Variants in GRK4 observed in about 807,000 individuals in gnomAD.
GRK4 encodes G protein-coupled receptor kinase 4.
Under a neutral mutation model 77.9 loss-of-function variants are expected in GRK4, and 73 were observed. That is an observed-to-expected ratio of 0.94 (90% CI 0.78 to 1.14). The LOEUF (loss-of-function observed/expected upper bound fraction) is 1.14. Ranked by LOEUF, GRK4 falls within the 50% of genes most tolerant of loss-of-function variation. GRK4 has a pLI of 0.00. For synonymous variants in GRK4, 257 were observed against 254.4 expected (o/e 1.01, Z -0.10); for missense variants, 729 against 700.2 (o/e 1.04, Z -0.46).
intron 4 of GRK4, among the ~76,000 whole-genome samples, chr4:3,001,115 GTATATA>G (rs1729511277): frequency 1.5e-5 from 2 of 133,550 alleles, no homozygotes; most frequent in Non-Finnish European, 3.2e-5. Context: ...GTATATATAT[GTATATA>G]TGTGTATGTG....
chr4:2,975,387 C>T (rs1485996975), intron 1 of GRK4, among the ~76,000 whole-genome samples: 2 of 152,154 alleles, frequency 1.3e-5, no homozygotes, highest in East Asian at 3.9e-4. Flanking sequence ...ACATAAAGAA[C>T]CAAATGATCT....
At chr4:3,037,300 T>C in intron 13 of GRK4, 74 bp from the exon 14 acceptor site, 1 of 1,435,666 alleles carries the variant, frequency 7.0e-7, no homozygotes, top group Admixed American at 2.0e-5. Flanking sequence ...TGCTGGGCGT[T>C]TCATTCTTGG....
intron 3 of GRK4, 40 bp from the exon 4 acceptor site, chr4:2,992,175 A>G: frequency 6.9e-7 from 1 of 1,450,776 alleles, no homozygotes; most frequent in Non-Finnish European, 9.7e-7. Context: ...CACCACACCC[A>G]GCTTAACTGT....
chr4:2,982,495 T>C (rs1424134577), intron 1 of GRK4, among the ~76,000 whole-genome samples: 1 of 152,240 alleles, frequency 6.6e-6, no homozygotes, highest in Non-Finnish European at 1.5e-5. Context: ...CTCTGCTCAA[T>C]GATTCAGCAG....
chr4:3,014,296 CTTTTTTTTTTTT>C (rs60684225), intron 8 of GRK4, among the ~76,000 whole-genome samples: 4 of 119,000 alleles, frequency 3.4e-5, no homozygotes, highest in Non-Finnish European at 6.7e-5. Context: ...CTCTCTCTCT[CTTTTTTTTTTTT>C]TTTTTTGACA....
intron 3 of GRK4, among the ~76,000 whole-genome samples, chr4:2,990,511 C>G (rs1278473475): frequency 6.6e-6 from 1 of 152,138 alleles, no homozygotes; most frequent in Non-Finnish European, 1.5e-5. Context: ...CCCGTCTCGG[C>G]CTCCCAAAGT....
At chr4:2,964,944 G>GAA (rs1221271466) in intron 1 of GRK4, among the ~76,000 whole-genome samples, 1 of 141,792 alleles carries the variant, frequency 7.1e-6, no homozygotes. Context: ...CAGGGGTGAA[G>GAA]AAAAAAAAAA....
chr4:3,018,510 A>G (rs1280868918), intron 8 of GRK4, among the ~76,000 whole-genome samples: 1 of 152,124 alleles, frequency 6.6e-6, no homozygotes, highest in East Asian at 1.9e-4. Flanking sequence ...CTCTTAAAAA[A>G]TAACTCTAGG....
At chr4:2,965,562 G>T in intron 1 of GRK4, 1 of 664,380 alleles carries the variant, frequency 1.5e-6, no homozygotes, top group Non-Finnish European at 2.7e-6. Context: ...GGACAGTCTG[G>T]AGCCGAAGGT....
chr4:3,038,840 AC>A, intron 15 of GRK4: 1 of 199,494 alleles, frequency 5.0e-6, no homozygotes, highest in South Asian at 9.8e-5. Context: ...GTCAGATGGC[AC>A]TCACAGTGCA....
chr4:2,995,675 C>CA (rs35365237), intron 4 of GRK4, among the ~76,000 whole-genome samples: 3,737 of 137,538 alleles, frequency 0.027, 154 homozygotes, highest in African/African-American at 0.084. Flanking sequence ...GACTCCTTCT[C>CA]AAAAAAAAAA....
At chr4:2,989,679 C>T (rs916730189) in intron 3 of GRK4, among the ~76,000 whole-genome samples, 8 of 152,208 alleles carry the variant, frequency 5.3e-5, no homozygotes, top group East Asian at 3.8e-4. Flanking sequence ...AACTTAAAAA[C>T]GCTTTAACCC....
chr4:2,971,223 G>A (rs1484492557), intron 1 of GRK4: 1 of 152,168 alleles, frequency 6.6e-6, no homozygotes, highest in Non-Finnish European at 1.5e-5. Context: ...CAGTAAATAT[G>A]TGGTTAATTG....
intron 15 of GRK4, chr4:3,038,733 A>G (rs1425248340): frequency 6.1e-6 from 3 of 488,006 alleles, no homozygotes; most frequent in African/African-American, 5.7e-5. Flanking sequence ...GTTCTGATCC[A>G]AAACAGGACT....
intron 12 of GRK4, among the ~76,000 whole-genome samples, chr4:3,034,364 A>G (rs1740008506): frequency 6.6e-6 from 1 of 152,196 alleles, no homozygotes; most frequent in Non-Finnish European, 1.5e-5. Context: ...GATGGTAAAC[A>G]GCGTCTAGAC....
At chr4:2,966,774 A>G (rs1404321769) in intron 1 of GRK4, 1 of 152,230 alleles carries the variant, frequency 6.6e-6, no homozygotes, top group African/African-American at 2.4e-5. Context: ...CTTTGAAATG[A>G]ATGAACGTAG....
intron 10 of GRK4, among the ~76,000 whole-genome samples, chr4:3,024,078 T>C (rs998062702): frequency 6.6e-6 from 1 of 152,146 alleles, no homozygotes; most frequent in African/African-American, 2.4e-5. Context: ...CTTTCCCCAG[T>C]GCTAACTCCT....
At chr4:2,979,441 G>A (rs981340625) in intron 1 of GRK4, among the ~76,000 whole-genome samples, 2 of 148,960 alleles carry the variant, frequency 1.3e-5, no homozygotes, top group Admixed American at 1.3e-4. Context: ...GGCCAGGCAC[G>A]GTGGCTCACG....
At chr4:2,972,335 G>A (rs767014691) in intron 1 of GRK4, among the ~76,000 whole-genome samples, 4 of 152,102 alleles carry the variant, frequency 2.6e-5, no homozygotes, top group Non-Finnish European at 5.9e-5. Context: ...TTCACCTTCT[G>A]GCCTCCTTGT....
Sources: gnomAD v4.1 joint callset for allele counts (sites outside exome capture counted in the v4.1 genomes callset) on GRCh38, gnomAD v4.1.1 for gene constraint, MANE v1.5 for transcripts, NCBI Gene and HGNC (gene_info 2026-07-23, HGNC 2026-07-21) for gene names.